The following APOLD1 variants were observed in gnomAD, a reference collection of about 807,000 sequenced individuals.
APOLD1 encodes the protein apolipoprotein L domain-containing protein 1.
Under a neutral mutation model 15.3 loss-of-function variants are expected in APOLD1, and 22 were observed. That is an observed-to-expected ratio of 1.44 (90% CI 1.03 to 2.05). The LOEUF is 2.05. Among genes scored for constraint, APOLD1 ranks in the 30% most tolerant of loss-of-function variants. The pLI, the probability that APOLD1 is intolerant of heterozygous loss-of-function variation, is 0.00. For missense variants in APOLD1, 394 were observed against 353.5 expected (o/e 1.11, Z -0.92); for synonymous variants, 190 against 167.4 (o/e 1.13, Z -1.04).
intron 1 of APOLD1, among the ~76,000 whole-genome samples, chr12:12,767,046 G>C (rs1946947636): frequency 6.6e-6 from 1 of 151,736 alleles, no homozygotes; most frequent in South Asian, 2.1e-4. Flanking sequence ...AGGAGTTCGA[G>C]ACCAGCCTAA....
chr12:12,788,982 G>A lies in APOLD1; in HGVS notation c.*1330G>A, dbSNP rs1048002316. 6.6e-6 allele frequency: 1 copy of A among 152,010 alleles called. No individual in the cohort carries two copies. The highest frequency in any genetic ancestry group is 1.9e-4 in the East Asian group (1 of 5,166). The allele number at this position is 152,010 out of a possible 1,614,324, so 9.4% of individuals were successfully genotyped here. ...TGTAACACTAAAAGCCCATTAGGGG[G>A]CAGTGTTTCCCGCCTGTTGTAGAAA... On this transcript the variant is annotated 3_prime_UTR_variant, in exon 2 of 2. Transcript: ENST00000356591.
chr12:12,729,298 G>T (rs935740160), intron 1 of APOLD1, among the ~76,000 whole-genome samples: 1 of 151,860 alleles, frequency 6.6e-6, no homozygotes, highest in African/African-American at 2.4e-5. Context: ...GAATTAAAGA[G>T]GATGAAGTAG....
rs376378240 is a variant in APOLD1, at chr12:12,752,083, T to C, written c.96+25987T>C. ...TTGGATTTCTGACCTCAAGAGCTATTGAGAATAAATTTGTTTTCTAAGCAT... is the reference window on the plus strand; with the variant it reads ...TTGGATTTCTGACCTCAAGAGCTATCGAGAATAAATTTGTTTTCTAAGCAT... On this transcript the variant is annotated intron_variant, in intron 1 of 1. Coordinates refer to the APOLD1 transcript ENST00000326765. 9.8e-5 allele frequency among the ~76,000 whole-genome samples: 15 copies of C among 152,330 alleles called. 1 individual carries two copies. The South Asian group carries it at 3.1e-3, about 32-fold the overall frequency.
intron 1 of APOLD1, among the ~76,000 whole-genome samples, chr12:12,738,136 T>C (rs1245242486): frequency 6.6e-6 from 1 of 151,726 alleles, no homozygotes; most frequent in Non-Finnish European, 1.5e-5. Flanking sequence ...GTTTTTACTC[T>C]GGAATATGCT....
intron 1 of APOLD1, among the ~76,000 whole-genome samples, chr12:12,774,575 GAAAGAAAAGAAAAGT>G (rs1365742033): frequency 3.2e-5 from 3 of 93,542 alleles, no homozygotes; most frequent in Admixed American, 1.2e-4. Context: ...AAAAAAAAAA[GAAAGAAAAGAAAAGT>G]AAAGAAAAGA....
At chr12:12,781,178 C>T (rs533980335), upstream of APOLD1, among the ~76,000 whole-genome samples, 5 of 152,168 alleles carry the variant, frequency 3.3e-5, no homozygotes, top group Admixed American at 6.6e-5. Context: ...CACTGTGGCT[C>T]ACACCTATAA....
chr12:12,763,848 G>A (rs1946922768), intron 1 of APOLD1, among the ~76,000 whole-genome samples: 1 of 151,982 alleles, frequency 6.6e-6, no homozygotes, highest in African/African-American at 2.4e-5. Context: ...TTTTAAGTTT[G>A]TATTATTTTT....
At position 12,787,184 on chromosome 12, in the gene APOLD1, G is replaced by T. The variant is rs367731681; in HGVS notation, c.279G>T (p.Gly93=). The stretch of plus-strand genomic sequence containing the variant: ...TGCTGGTGTCGGCCGTGGGGCTGGG[G>T]GTGGCCACAGCCGGAGGGGCCGTCA... ...TSLLVSAVGL[G]VATAGGAVTI... Residue 93 remains glycine (G), a synonymous_variant, in exon 2 of 2, where the codon GGG becomes GGT. Coordinates refer to ENST00000356591, the MANE Select transcript of APOLD1 (RefSeq NM_030817.3). This position sits in a 1 kb window ranked among gnomAD's most constrained non-coding sequence, Gnocchi z 4.9. The T allele has an allele frequency of 8.2e-5, 126 of 1,541,732 alleles. No individual in the cohort carries two copies. In the African/African-American group the frequency reaches 1.5e-3, roughly 18 times the overall value.
At chr12:12,763,861 G>GT (rs752875012) in intron 1 of APOLD1, among the ~76,000 whole-genome samples, 7 of 151,902 alleles carry the variant, frequency 4.6e-5, no homozygotes, top group African/African-American at 7.3e-5. Context: ...TTATTTTTAA[G>GT]TTTTTTTTCC....
At chr12:12,764,231 G>A (rs1043673438) in intron 1 of APOLD1, among the ~76,000 whole-genome samples, 2 of 152,162 alleles carry the variant, frequency 1.3e-5, no homozygotes, top group Non-Finnish European at 2.9e-5. Context: ...CCAAAGTGCT[G>A]GGATTACAGG....
At chr12:12,770,566 T>TGAAAAAAAAAAAAAAAAAAAAAAA (rs1946979330) in intron 1 of APOLD1, among the ~76,000 whole-genome samples, 1 of 80,062 alleles carries the variant, frequency 1.2e-5, no homozygotes, top group Non-Finnish European at 2.5e-5. Flanking sequence ...AAAAAAAGAC[T>TGAAAAAAAAAAAAAAAAAAAAAAA]GAAAAAAAAA....
chr12:12,754,121 C>G (rs183839508), intron 1 of APOLD1, among the ~76,000 whole-genome samples: 1 of 136,554 alleles, frequency 7.3e-6, no homozygotes, highest in Non-Finnish European at 1.5e-5. Context: ...GAGGCTCACT[C>G]GAACCCAAGA....
At position 12,770,746 on chromosome 12, in the gene APOLD1, A is replaced by T. The variant is rs950235270; in HGVS notation, c.97-16163A>T. Among the ~76,000 whole-genome samples the T allele has an allele frequency of 2.0e-5, 3 of 150,818 alleles. No individual in the cohort carries two copies. In the Admixed American group the frequency reaches 2.0e-4, roughly 10 times the overall value. On this transcript the variant is annotated intron_variant, in intron 1 of 1. Coordinates refer to the APOLD1 transcript ENST00000326765. ...GTGTCAGACACCAAATCACAGATCC[A>T]GAAAGCTCAGAGAACACCAATAAGA...
intron 1 of APOLD1, among the ~76,000 whole-genome samples, chr12:12,752,485 C>G (rs1336906235): frequency 1.3e-5 from 2 of 152,114 alleles, no homozygotes; most frequent in East Asian, 3.8e-4. Context: ...CTCCACAGAC[C>G]ACTTCTTGGA....
Position 12,730,078 on chromosome 12 carries a change from G to GAC in APOLD1, c.96+3983_96+3984insCA, listed in dbSNP as rs1491412702. On this transcript the variant is annotated intron_variant, in intron 1 of 1. Transcript: ENST00000326765. ...TGTGTGTGTGTGTGTGTGTGTGTGT[G>GAC]AGAGAGAGAGAGAGAGAGACAGACA... Among the ~76,000 whole-genome samples, 372 of 57,892 alleles carry GAC rather than the reference G, an allele frequency of 6.4e-3. 4 individuals carry two copies. Among genetic ancestry groups the GAC allele is most frequent in the South Asian group, 0.012 (24 of 2,080 alleles). The allele number at this position is 57,892 out of a possible 152,430, so 38.0% of individuals were successfully genotyped here. A position where few individuals can be genotyped will look rare whatever the true frequency, so the allele number is the denominator to read the frequency against.
chr12:12,777,655 T>C lies in APOLD1; in HGVS notation c.97-9254T>C, dbSNP rs546618022. Among the ~76,000 whole-genome samples the C allele has an allele frequency of 6.6e-5, 9 of 136,858 alleles. No individual in the cohort carries two copies. The East Asian group carries it at 2.0e-3, about 31-fold the overall frequency. 89.8% of individuals were successfully genotyped at this position (136,858 alleles called of 152,430 possible). ...CCGAAATGTTCCAGTGAGCATTTCCTTTGAGCATCACTCTAAAATCCAAAA... is the reference window on the plus strand; with the variant it reads ...CCGAAATGTTCCAGTGAGCATTTCCCTTGAGCATCACTCTAAAATCCAAAA... On this transcript the variant is annotated intron_variant, in intron 1 of 1. Coordinates refer to the APOLD1 transcript ENST00000326765.
At chr12:12,786,777 A>C (rs1411828883) in intron 1 of APOLD1, 132 bp from the exon 2 acceptor site, 11 of 1,300,286 alleles carry the variant, frequency 8.5e-6, no homozygotes, top group Non-Finnish European at 1.1e-5. Context: ...CTGGAAACAG[A>C]CCCGTTCCCC....
At chr12:12,736,531 G>T (rs937209803) in intron 1 of APOLD1, among the ~76,000 whole-genome samples, 2 of 152,044 alleles carry the variant, frequency 1.3e-5, no homozygotes, top group African/African-American at 4.8e-5. Flanking sequence ...TGTCTCAAAA[G>T]AATAAATAAA....
At position 12,762,791 on chromosome 12, in the gene APOLD1, C is replaced by T. The variant is rs1282600170; in HGVS notation, c.97-24118C>T. On this transcript the variant is annotated intron_variant, in intron 1 of 1. Transcript: ENST00000326765. ...TGGTCCACTGGCCAGAGAGAAAGGA[C>T]AAATATGGCCCATGAAGATAGAGAA... is the stretch of plus-strand genomic sequence containing the variant. 2.6e-5 allele frequency among the ~76,000 whole-genome samples: 4 copies of T among 152,146 alleles called. No individual in the cohort carries two copies. In the East Asian group the frequency reaches 7.7e-4, roughly 29 times the overall value.
Sources: allele counts gnomAD v4.1 joint callset (sites outside exome capture counted in the v4.1 genomes callset), GRCh38; gene constraint gnomAD v4.1.1; non-coding constraint Gnocchi (gnomAD v3.1); transcripts MANE v1.5; gene names NCBI Gene and HGNC (gene_info 2026-07-23, HGNC 2026-07-21).